The following NAT8L variants were observed in gnomAD, a reference collection of about 807,000 sequenced individuals.
The protein encoded by NAT8L is N-acetylaspartate synthetase.
In NAT8L, 6 loss-of-function variants were observed where a neutral mutation model predicts 21.2. That is an observed-to-expected ratio of 0.28 (90% CI 0.16 to 0.56). NAT8L has a LOEUF of 0.56. NAT8L is among the 20% of genes least tolerant of loss of function. The probability of loss-of-function intolerance (pLI) is 0.93; values close to 1 mark genes in which losing one functional copy is unlikely to be tolerated. For synonymous variants in NAT8L, 239 were observed against 204.9 expected (o/e 1.17, Z -1.42); for missense variants, 331 against 433.3 (o/e 0.76, Z 2.10).
Position 2,066,818 on chromosome 4 carries a change from G to A in NAT8L, c.*2691G>A, listed in dbSNP as rs1393196540. 2 of 152,376 alleles carry A rather than the reference G, an allele frequency of 1.3e-5. No individual in the cohort carries two copies. Among genetic ancestry groups the A allele is most frequent in the East Asian group, 1.9e-4 (1 of 5,190 alleles). The allele number at this position is 152,376 out of a possible 1,614,324, so 9.4% of individuals were successfully genotyped here. ...AGGCCGGGCCCTAGCACTGCTCAGG[G>A]GCCTGGGGCTCCTGGGATTTCTGTG... On this transcript the variant is annotated 3_prime_UTR_variant, in exon 3 of 3. Transcript: ENST00000423729.
chr4:2,063,229 C>T (rs1045823606), intron 2 of NAT8L, among the ~76,000 whole-genome samples: 1 of 152,286 alleles, frequency 6.6e-6, no homozygotes, highest in Admixed American at 6.5e-5. Flanking sequence ...TTGCGGCCCT[C>T]TGCTGTGGGT....
rs1730021133 is a variant in NAT8L, at chr4:2,067,171, A to C, written c.*3044A>C. The C allele has an allele frequency of 6.6e-6, 1 of 152,366 alleles. No homozygotes were observed. The highest frequency in any genetic ancestry group is 1.5e-5 in the Non-Finnish European group (1 of 68,150). The allele number at this position is 152,366 out of a possible 1,614,324, so 9.4% of individuals were successfully genotyped here. On this transcript the variant is annotated 3_prime_UTR_variant, in exon 3 of 3. Transcript: ENST00000423729. ...GGCCCCCAGAAGGGCTCCTGAGCGTAGGGAGTTGAGCCCCGCAGCCGTGGC... is the reference window on the plus strand; with the variant it reads ...GGCCCCCAGAAGGGCTCCTGAGCGTCGGGAGTTGAGCCCCGCAGCCGTGGC...
chr4:2,059,986 C>G lies in NAT8L; in HGVS notation c.376+99C>G. ...GGACCCCGCGCCCGGCTCCCGGGGA[C>G]CAGCCTGGGAAGCCCCCCGCTTTCT... On this transcript the variant is annotated intron_variant, in intron 1 of 2. Coordinates refer to ENST00000423729, the MANE Select transcript of NAT8L (RefSeq NM_178557.4). This position sits in a 1 kb window ranked among gnomAD's most constrained non-coding sequence, Gnocchi z 4.8. 2 of 692,884 alleles carry G rather than the reference C, an allele frequency of 2.9e-6. No individual in the cohort carries two copies. The highest frequency in any genetic ancestry group is 3.8e-6 in the Non-Finnish European group (2 of 529,926). The allele number at this position is 692,884 out of a possible 1,614,324, so 42.9% of individuals were successfully genotyped here. A position where few individuals can be genotyped will look rare whatever the true frequency, so the allele number is the denominator to read the frequency against.
Position 2,063,795 on chromosome 4 carries a change from G to A in NAT8L, c.577G>A (p.Val193Met), listed in dbSNP as rs961920472. Residue 193 changes from valine (V) to methionine (M), a missense_variant, in exon 3 of 3, where the codon GTG (valine) becomes ATG (methionine). By Grantham distance (21) the Val-to-Met change is conservative. This residue lies in a region of NAT8L where 132 missense variants were observed against 237.1 expected (regional missense o/e 0.56). Transcript: ENST00000423729. The part of the protein sequence containing the change: ...CFWVAVLDGN[V>M]VGIVAARAHE... ...CTGGGTGGCCGTGCTGGATGGCAACGTGGTGGGCATTGTGGCTGCACGGGC... is the reference window on the plus strand; with the variant it reads ...CTGGGTGGCCGTGCTGGATGGCAACATGGTGGGCATTGTGGCTGCACGGGC... 1.9e-6 allele frequency: 3 copies of A among 1,612,240 alleles called. No homozygotes were observed. The highest frequency in any genetic ancestry group is 1.1e-5 in the South Asian group (1 of 91,088).
Position 2,061,019 on chromosome 4 carries a change from G to A in NAT8L, c.398G>A (p.Arg133His), listed in dbSNP as rs1403129374. The A allele has an allele frequency of 3.2e-6, 5 of 1,561,488 alleles. No homozygotes were observed. In the South Asian group the frequency reaches 4.7e-5, roughly 15 times the overall value. ...LLAALCFAVS[R>H]SLLLTCLVPA... ...CCAGCGCTGTGCTTCGCCGTGAGCC[G>A]CTCGCTGCTGCTGACGTGCCTGGTG... Residue 133 changes from arginine (R) to histidine (H), a missense_variant, in exon 2 of 3, where the codon CGC (arginine) becomes CAC (histidine). Arg to His is a conservative substitution (Grantham distance 29). This residue lies in a region of NAT8L where 199 missense variants were observed against 196.1 expected (regional missense o/e 1.01). Coordinates refer to ENST00000423729, the MANE Select transcript of NAT8L (RefSeq NM_178557.4).
Position 2,065,870 on chromosome 4 carries a change from G to A in NAT8L, c.*1743G>A, listed in dbSNP as rs1729987890. On this transcript the variant is annotated 3_prime_UTR_variant, in exon 3 of 3. Transcript: ENST00000423729. ...CTTGCAGCTCAGATTTTGTTAATCT[G>A]GAATATACAGACAGACGTAAAGTGT... 1 of 152,730 alleles carries A rather than the reference G, an allele frequency of 6.5e-6. No individual in the cohort carries two copies. The highest frequency in any genetic ancestry group is 6.5e-5 in the Admixed American group (1 of 15,304). The allele number at this position is 152,730 out of a possible 1,614,324, so 9.5% of individuals were successfully genotyped here.
In NAT8L at chr4:2,068,482, T is replaced by C. The variant is rs1730052752; in HGVS notation, c.*4355T>C. Reference sequence around the variant, plus strand: ...ACATATGTATGAGTGTATGAGTGCATACATATGCATATGGTGTACGTGTGT... The same window carrying C: ...ACATATGTATGAGTGTATGAGTGCACACATATGCATATGGTGTACGTGTGT... On this transcript the variant is annotated 3_prime_UTR_variant, in exon 3 of 3. Transcript: ENST00000423729. The C allele has an allele frequency of 6.6e-6, 1 of 152,286 alleles. No homozygotes were observed. The highest frequency in any genetic ancestry group is 1.5e-5 in the Non-Finnish European group (1 of 68,074). 9.4% of individuals were successfully genotyped at this position (152,286 alleles called of 1,614,324 possible).
At chr4:2,063,637 C>T (rs2108680807) in intron 2 of NAT8L, 123 bp from the exon 3 acceptor site, 7 of 1,561,996 alleles carry the variant, frequency 4.5e-6, no homozygotes, top group Non-Finnish European at 6.1e-6. Context: ...ATTGGGTGTC[C>T]CACTGCCCTG....
Position 2,060,205 on chromosome 4 carries a change from C to G in NAT8L, c.376+318C>G, listed in dbSNP as rs1157589696. ...GTGCCAGGGCAGGTAGCGCCCGCCG[C>G]GGCTGGGCCCCGGCGAGTGCCTAAA... On this transcript the variant is annotated intron_variant, in intron 1 of 2. Transcript: ENST00000423729. The surrounding 1 kb of genome is among the most constrained non-coding windows in gnomAD (Gnocchi z 4.7). Among the ~76,000 whole-genome samples, 1 of 152,044 alleles carries G rather than the reference C, an allele frequency of 6.6e-6. No homozygotes were observed. Among genetic ancestry groups the G allele is most frequent in the African/African-American group, 2.4e-5 (1 of 41,440 alleles).
chr4:2,062,790 G>C (rs1729919083), intron 2 of NAT8L, among the ~76,000 whole-genome samples: 2 of 152,160 alleles, frequency 1.3e-5, no homozygotes, highest in African/African-American at 2.4e-5. Flanking sequence ...CTCGGGGCAG[G>C]TGCAGAGCCT....
intron 2 of NAT8L, among the ~76,000 whole-genome samples, chr4:2,062,427 G>C (rs942085792): frequency 1.3e-5 from 2 of 152,024 alleles, no homozygotes; most frequent in African/African-American, 4.8e-5. Flanking sequence ...AGGGATACTG[G>C]TCCAGGATCC....
chr4:2,059,711 C>T lies in NAT8L; in HGVS notation c.200C>T (p.Ala67Val). ...CCGGTGGCTCAGCCTCACGGCGGGG[C>T]GGGGGGCGCGGGGCCGCCGGGGGGG... ...PAPVAQPHGG[A>V]GGAGPPGGRG... The change falls in exon 1 of 3, where the codon GCG becomes GTG. Residue 67 changes from alanine (A) to valine (V), a missense_variant. By Grantham distance (64) the Ala-to-Val change is moderately conservative (BLOSUM62 0). This residue lies in a region of NAT8L where 199 missense variants were observed against 196.1 expected (regional missense o/e 1.01). Coordinates refer to ENST00000423729, the MANE Select transcript of NAT8L (RefSeq NM_178557.4). This position sits in a 1 kb window ranked among gnomAD's most constrained non-coding sequence, Gnocchi z 4.8. 9.3e-7 allele frequency: 1 copy of T among 1,080,908 alleles called. No homozygotes were observed. Among genetic ancestry groups the T allele is most frequent in the Non-Finnish European group, 1.1e-6 (1 of 892,142 alleles). The allele number at this position is 1,080,908 out of a possible 1,614,324, so 67.0% of individuals were successfully genotyped here. A position where few individuals can be genotyped will look rare whatever the true frequency, so the allele number is the denominator to read the frequency against.
chr4:2,066,807 C>A lies in NAT8L; in HGVS notation c.*2680C>A, dbSNP rs984012265. The A allele has an allele frequency of 6.6e-6, 1 of 152,308 alleles. No individual in the cohort carries two copies. The highest frequency in any genetic ancestry group is 1.5e-5 in the Non-Finnish European group (1 of 68,116). The allele number at this position is 152,308 out of a possible 1,614,324, so 9.4% of individuals were successfully genotyped here. A position where few individuals can be genotyped will look rare whatever the true frequency, so the allele number is the denominator to read the frequency against. ...CGGGGAAAGCCAGGCCGGGCCCTAG[C>A]ACTGCTCAGGGGCCTGGGGCTCCTG... is the stretch of plus-strand genomic sequence containing the variant. On this transcript the variant is annotated 3_prime_UTR_variant, in exon 3 of 3. Coordinates refer to ENST00000423729, the MANE Select transcript of NAT8L (RefSeq NM_178557.4).
Position 2,060,964 on chromosome 4 carries a change from CG to C in NAT8L, c.377-33del. On this transcript the variant is annotated intron_variant, in intron 1 of 2. Coordinates refer to ENST00000423729, the MANE Select transcript of NAT8L (RefSeq NM_178557.4). The surrounding 1 kb of genome is among the most constrained non-coding windows in gnomAD (Gnocchi z 4.7). ...GGCGTCTCTGGGGCCTGGGGACCCC[CG>C]CCGCGCCGCTGACCCGCGCCCTCTG... 3.8e-6 allele frequency: 5 copies of C among 1,324,462 alleles called. No individual in the cohort carries two copies. Among genetic ancestry groups the C allele is most frequent in the Non-Finnish European group, 5.2e-6 (5 of 965,356 alleles). 82.0% of individuals were successfully genotyped at this position (1,324,462 alleles called of 1,614,324 possible). A position where few individuals can be genotyped will look rare whatever the true frequency, so the allele number is the denominator to read the frequency against.
chr4:2,060,670 C>A lies in NAT8L; in HGVS notation c.377-328C>A, dbSNP rs113004610. Among the ~76,000 whole-genome samples the A allele has an allele frequency of 0.022, 3,254 of 151,088 alleles. 123 individuals are homozygous for A. The highest frequency in any genetic ancestry group is 0.072 in the African/African-American group (2,951 of 41,216). On this transcript the variant is annotated intron_variant, in intron 1 of 2. Transcript: ENST00000423729. This position sits in a 1 kb window ranked among gnomAD's most constrained non-coding sequence, Gnocchi z 4.7. ...CCCGCGCGGGGCCTGGTCTGCGGGGCAGCTCCCTGCCAGGATCTGCCCACC... is the reference window on the plus strand; with the variant it reads ...CCCGCGCGGGGCCTGGTCTGCGGGGAAGCTCCCTGCCAGGATCTGCCCACC...
In NAT8L at chr4:2,060,908, G is replaced by GC; in HGVS notation, c.377-89dup. 2 of 579,526 alleles carry GC rather than the reference G, an allele frequency of 3.5e-6. No individual in the cohort carries two copies. Among genetic ancestry groups the GC allele is most frequent in the Non-Finnish European group, 5.6e-6 (2 of 358,734 alleles). The allele number at this position is 579,526 out of a possible 1,614,324, so 35.9% of individuals were successfully genotyped here. On this transcript the variant is annotated intron_variant, in intron 1 of 2. Transcript: ENST00000423729. This position sits in a 1 kb window ranked among gnomAD's most constrained non-coding sequence, Gnocchi z 4.7. The stretch of plus-strand genomic sequence containing the variant: ...GCTCCTCCACCAGGAGCGCGGCCGG[G>GC]CGCGGCGTCCCTAGCGGGCTTCGCC...
At position 2,060,886 on chromosome 4, in the gene NAT8L, C is replaced by T; in HGVS notation, c.377-112C>T. 1 of 497,334 alleles carries T rather than the reference C, an allele frequency of 2.0e-6. No homozygotes were observed. Among genetic ancestry groups the T allele is most frequent in the South Asian group, 3.2e-5 (1 of 31,066 alleles). The allele number at this position is 497,334 out of a possible 1,614,324, so 30.8% of individuals were successfully genotyped here. On this transcript the variant is annotated intron_variant, in intron 1 of 2. Transcript: ENST00000423729. The surrounding 1 kb of genome is among the most constrained non-coding windows in gnomAD (Gnocchi z 4.7). ...GAAAGCACCCGAGATGACCCCGGCT[C>T]CTCCACCAGGAGCGCGGCCGGGCGC...
Position 2,068,884 on chromosome 4 carries a change from CCTG to C in NAT8L, c.*4764_*4766del, listed in dbSNP as rs1730062893. Reference sequence around the variant, plus strand: ...TGGGGAGCACAGGGGGTGGGGTTCACCTGCTGCTGTTTGTTCCCGAAACTGTAC... The same window carrying C: ...TGGGGAGCACAGGGGGTGGGGTTCACCTGCTGTTTGTTCCCGAAACTGTAC... On this transcript the variant is annotated 3_prime_UTR_variant, in exon 3 of 3. Transcript: ENST00000423729. 6.6e-6 allele frequency: 1 copy of C among 152,404 alleles called. No homozygotes were observed. Among genetic ancestry groups the C allele is most frequent in the Admixed American group, 6.5e-5 (1 of 15,304 alleles). 9.4% of individuals were successfully genotyped at this position (152,404 alleles called of 1,614,324 possible). A position where few individuals can be genotyped will look rare whatever the true frequency, so the allele number is the denominator to read the frequency against.
At position 2,059,376 on chromosome 4, in the gene NAT8L, T is replaced by TGCC. The variant is rs903081255; in HGVS notation, c.-118_-116dup. 1.3e-3 allele frequency: 220 copies of TGCC among 163,704 alleles called. No homozygotes were observed. Among genetic ancestry groups the TGCC allele is most frequent in the Admixed American group, 2.4e-3 (34 of 14,412 alleles). 10.1% of individuals were successfully genotyped at this position (163,704 alleles called of 1,614,324 possible). On this transcript the variant is annotated 5_prime_UTR_variant, in exon 1 of 3. Transcript: ENST00000423729. The surrounding 1 kb of genome is among the most constrained non-coding windows in gnomAD (Gnocchi z 4.8). ...CCGCCTCCGCCCCGCGCCCCTGAGC[T>TGCC]GCCGCCGCCGCCGCCGCCGCTGCCG...
Sources: gnomAD v4.1 joint callset for allele counts (sites outside exome capture counted in the v4.1 genomes callset) on GRCh38, gnomAD v4.1.1 for gene constraint, gnomAD v4.1.1 regional missense constraint, Gnocchi (gnomAD v3.1) non-coding constraint, MANE v1.5 for transcripts, NCBI Gene and HGNC (gene_info 2026-07-23, HGNC 2026-07-21) for gene names.